SPIDR: variants seen among roughly 807,000 people sequenced by gnomAD.
SPIDR encodes the protein scaffold protein involved in DNA repair, also known as DNA repair-scaffolding protein.
A neutral mutation model predicts 104.6 loss-of-function variants in SPIDR; 93 were observed. That is an observed-to-expected ratio of 0.89 (90% CI 0.75 to 1.06). SPIDR has a LOEUF of 1.06. SPIDR is among the 50% of genes least tolerant of loss of function. The probability of loss-of-function intolerance (pLI) is 0.00; values close to 1 mark genes in which losing one functional copy is unlikely to be tolerated. For synonymous variants in SPIDR, 431 were observed against 416.9 expected, an observed-to-expected ratio of 1.03 and a Z score of -0.41; for missense variants, 1,154 against 1,111.2, an observed-to-expected ratio of 1.04 and a Z score of -0.55.
chr8:47,659,797 G>C, intron 10 of SPIDR: 4 of 886,670 alleles, frequency 4.5e-6, no homozygotes, highest in African/African-American at 1.8e-5. Context: ...CTTCGTAAGA[G>C]ATTATAAAGT....
At chr8:47,464,590 A>G (rs1162813521) in intron 8 of SPIDR, among the ~76,000 whole-genome samples, 1 of 152,060 alleles carries the variant, frequency 6.6e-6, no homozygotes, top group Non-Finnish European at 1.5e-5. Flanking sequence ...TGAACTGACA[A>G]GCAGCAACCT....
chr8:47,413,676 C>T (rs1469884402), intron 7 of SPIDR, among the ~76,000 whole-genome samples: 1 of 152,190 alleles, frequency 6.6e-6, no homozygotes, highest in African/African-American at 2.4e-5. Flanking sequence ...TCTGTCTGTC[C>T]TGTTTCCCCC....
At chr8:47,266,526 G>A (rs1242115970) in intron 1 of SPIDR, among the ~76,000 whole-genome samples, 4 of 152,140 alleles carry the variant, frequency 2.6e-5, no homozygotes, top group African/African-American at 9.7e-5. Context: ...GGACCTCTAG[G>A]CTGTTTTCAG....
rs200970902 is a variant in SPIDR, at chr8:47,712,715, T to A, written c.2031T>A (p.Asp677Glu). 6.8e-6 allele frequency: 11 copies of A among 1,614,228 alleles called. No individual in the cohort carries two copies. Among genetic ancestry groups the A allele is most frequent in the South Asian group, 1.1e-5 (1 of 91,090 alleles). The stretch of plus-strand genomic sequence containing the variant: ...GGGAGATCTGGCTGCTAGTGACCGA[T>A]GTCACTCTGCAAACGAAGGAGGAGA... ...EQREIWLLVTDVTLQTKEERD... is the reference protein window; with the variant it reads ...EQREIWLLVTEVTLQTKEERD... The change falls in exon 15 of 20, where the codon GAT becomes GAA. Residue 677 changes from aspartate to glutamate, a missense_variant. Coordinates refer to ENST00000297423, the MANE Select transcript of SPIDR (RefSeq NM_001080394.4).
intron 10 of SPIDR, chr8:47,659,673 C>T (rs1018378720): frequency 4.1e-6 from 4 of 982,866 alleles, no homozygotes; most frequent in Non-Finnish European, 4.8e-6. Flanking sequence ...CTTTTCTCAG[C>T]GGCTCCCTTG....
chr8:47,264,852 C>T (rs1554545379), intron 1 of SPIDR, among the ~76,000 whole-genome samples: 3 of 151,898 alleles, frequency 2.0e-5, no homozygotes, highest in East Asian at 1.9e-4. Flanking sequence ...GATGATATAC[C>T]GAGCATATAA....
chr8:47,496,752 T>C (rs1282951329), intron 8 of SPIDR, among the ~76,000 whole-genome samples: 2 of 151,132 alleles, frequency 1.3e-5, no homozygotes, highest in Non-Finnish European at 2.9e-5. Flanking sequence ...TGTAAAAGAT[T>C]GTTATGAATT....
At chr8:47,279,741 C>A in intron 1 of SPIDR, 121 bp from the exon 2 acceptor site, 1 of 972,650 alleles carries the variant, frequency 1.0e-6, no homozygotes, top group Non-Finnish European at 1.5e-6. Flanking sequence ...CATTCAAAAA[C>A]TATACCTTTA....
chr8:47,688,878 A>G (rs1358157001), intron 11 of SPIDR, among the ~76,000 whole-genome samples: 1 of 151,432 alleles, frequency 6.6e-6, no homozygotes, highest in Non-Finnish European at 1.5e-5. Flanking sequence ...TCTGGCCTGC[A>G]TTTTTTTCAA....
intron 5 of SPIDR, among the ~76,000 whole-genome samples, chr8:47,300,889 G>T (rs1402721515): frequency 2.6e-5 from 4 of 152,152 alleles, no homozygotes; most frequent in African/African-American, 9.7e-5. Flanking sequence ...ATTTGGAATA[G>T]GTGTGGTGTG....
intron 8 of SPIDR, among the ~76,000 whole-genome samples, chr8:47,465,919 GAC>G (rs1182699346): frequency 4.6e-5 from 7 of 152,036 alleles, no homozygotes; most frequent in African/African-American, 1.7e-4. Flanking sequence ...GATCAAAAAA[GAC>G]AAAGAATCAC....
intron 10 of SPIDR, among the ~76,000 whole-genome samples, chr8:47,606,546 A>AAACG (rs1007053642): frequency 1.3e-5 from 2 of 152,020 alleles, no homozygotes; most frequent in African/African-American, 4.8e-5. Context: ...ACAAACAAAC[A>AAACG]AACAAAAAAC....
chr8:47,486,325 C>T (rs1389188140), intron 8 of SPIDR, among the ~76,000 whole-genome samples: 2 of 152,152 alleles, frequency 1.3e-5, no homozygotes, highest in African/African-American at 2.4e-5. Flanking sequence ...AAGAAGCAAA[C>T]AAAGCCTCCA....
At chr8:47,644,394 C>A (rs532407291) in intron 10 of SPIDR, among the ~76,000 whole-genome samples, 4 of 152,332 alleles carry the variant, frequency 2.6e-5, no homozygotes, top group African/African-American at 9.6e-5. Context: ...GTGGCACATT[C>A]TGTGATGATG....
intron 5 of SPIDR, among the ~76,000 whole-genome samples, chr8:47,355,514 G>T (rs2054371660): frequency 6.6e-6 from 1 of 152,002 alleles, no homozygotes; most frequent in Admixed American, 6.6e-5. Context: ...TTATGTCTGG[G>T]AACCTATTTG....
At chr8:47,719,504 G>T (rs1006324233) in intron 16 of SPIDR, among the ~76,000 whole-genome samples, 2 of 151,014 alleles carry the variant, frequency 1.3e-5, no homozygotes, top group African/African-American at 4.9e-5. Flanking sequence ...GCGAGACTCC[G>T]TATCAAAAAA....
intron 14 of SPIDR, among the ~76,000 whole-genome samples, chr8:47,706,119 G>A (rs552542523): frequency 2.6e-5 from 4 of 152,236 alleles, no homozygotes; most frequent in Non-Finnish European, 4.4e-5. Context: ...CCAGCTGGGC[G>A]CGGTGGCTCA....
intron 10 of SPIDR, among the ~76,000 whole-genome samples, chr8:47,644,075 C>T (rs1393079321): frequency 7.2e-5 from 11 of 152,204 alleles, no homozygotes; most frequent in African/African-American, 2.4e-4. Flanking sequence ...TGCATTCCAC[C>T]CTCAGTCTAT....
chr8:47,604,251 A>G (rs1333565038), intron 10 of SPIDR, among the ~76,000 whole-genome samples: 1 of 152,186 alleles, frequency 6.6e-6, no homozygotes, highest in African/African-American at 2.4e-5. Context: ...GATGAAAGAG[A>G]ATTGCTCACA....
Sources: gnomAD v4.1 joint callset for allele counts (sites outside exome capture counted in the v4.1 genomes callset) on GRCh38, gnomAD v4.1.1 for gene constraint, MANE v1.5 for transcripts, NCBI Gene and HGNC (gene_info 2026-07-23, HGNC 2026-07-21) for gene names.